The following CACUL1 variants were observed in gnomAD, a reference collection of about 807,000 sequenced individuals.
CACUL1 encodes CDK2-associated and cullin domain-containing protein 1.
CACUL1 carries 13 observed loss-of-function variants against 45.2 expected under a neutral mutation model. That is an observed-to-expected ratio of 0.29 (90% confidence interval 0.19 to 0.46). CACUL1 has a LOEUF of 0.46. Ranked by LOEUF, CACUL1 falls within the 20% of genes least tolerant of loss-of-function variation. The pLI is 1.00. For missense variants in CACUL1, 421 were observed against 471.4 expected (o/e 0.89, Z 0.99); for synonymous variants, 197 against 174.2 (o/e 1.13, Z -1.03).
intron 1 of CACUL1, among the ~76,000 whole-genome samples, chr10:118,753,604 G>A (rs189685457): frequency 9.7e-4 from 148 of 152,330 alleles, no homozygotes; most frequent in African/African-American, 3.4e-3. Context: ...CTGGTCAGAG[G>A]CAGTTTCGGA....
intron 1 of CACUL1, among the ~76,000 whole-genome samples, chr10:118,750,064 C>T (rs1429197541): frequency 1.3e-5 from 2 of 152,198 alleles, no homozygotes; most frequent in South Asian, 2.1e-4. Context: ...TGGTGGCTCA[C>T]GCCTGTAATC....
chr10:118,742,889 T>C (rs1408997227), intron 1 of CACUL1, among the ~76,000 whole-genome samples: 2 of 152,158 alleles, frequency 1.3e-5, no homozygotes, highest in African/African-American at 2.4e-5. Flanking sequence ...TGGGAATACA[T>C]GTGGGAATGG....
chr10:118,730,798 T>C (rs962150558), intron 1 of CACUL1, among the ~76,000 whole-genome samples: 12 of 152,220 alleles, frequency 7.9e-5, no homozygotes, highest in East Asian at 5.8e-4. Context: ...ACAGGAAAAT[T>C]TGGAGAAATC....
intron 1 of CACUL1, among the ~76,000 whole-genome samples, chr10:118,745,323 C>T (rs955070477): frequency 6.6e-6 from 1 of 151,974 alleles, no homozygotes; most frequent in Non-Finnish European, 1.5e-5. Context: ...TTTGGGAGGC[C>T]GAGGTAGGTA....
chr10:118,726,535 A>T (rs1589614062), intron 3 of CACUL1: 1 of 301,412 alleles, frequency 3.3e-6, no homozygotes, highest in Non-Finnish European at 6.6e-6. Flanking sequence ...CTGAGATGCT[A>T]TGGATCCACA....
intron 1 of CACUL1, among the ~76,000 whole-genome samples, chr10:118,746,624 T>C (rs1009713682): frequency 1.3e-5 from 2 of 151,950 alleles, no homozygotes; most frequent in Non-Finnish European, 2.9e-5. Flanking sequence ...CTGAAAAACA[T>C]GTACTCTTCA....
At chr10:118,687,907 G>A (rs75749350) in intron 7 of CACUL1, among the ~76,000 whole-genome samples, 6,085 of 152,232 alleles carry the variant, frequency 0.04, 385 homozygotes, top group African/African-American at 0.14. Flanking sequence ...AACTTGGCCT[G>A]TGTTGTTCAC....
At position 118,685,156 on chromosome 10, in the gene CACUL1, CTG is replaced by C. The variant is rs1264999549; in HGVS notation, c.*970_*971del. On this transcript the variant is annotated 3_prime_UTR_variant, in exon 9 of 9. Transcript: ENST00000369151. ...ACCACTGTGTATTTGGACTTAATAA[CTG>C]TATCTGCTTCCTAGAGCATCGCAGG... is the stretch of plus-strand genomic sequence containing the variant. 1 of 151,894 alleles carries C rather than the reference CTG, an allele frequency of 6.6e-6. No individual in the cohort carries two copies. Among genetic ancestry groups the C allele is most frequent in the Non-Finnish European group, 1.5e-5 (1 of 67,940 alleles). The allele number at this position is 151,894 out of a possible 1,614,324, so 9.4% of individuals were successfully genotyped here.
intron 4 of CACUL1, among the ~76,000 whole-genome samples, chr10:118,702,084 A>G (rs1845386131): frequency 6.6e-6 from 1 of 152,164 alleles, no homozygotes; most frequent in Non-Finnish European, 1.5e-5. Flanking sequence ...TGAGGACATT[A>G]TCTTGTGAAA....
chr10:118,688,081 A>G (rs1845226097), intron 7 of CACUL1, among the ~76,000 whole-genome samples: 1 of 152,242 alleles, frequency 6.6e-6, no homozygotes, highest in South Asian at 2.1e-4. Flanking sequence ...TTCTCTGGTT[A>G]TGTTGAGGAC....
rs566718256 is a variant in CACUL1, at chr10:118,685,773, T to TA, written c.*354dup. 1.6e-3 allele frequency: 287 copies of TA among 174,948 alleles called. No homozygotes were observed. The highest frequency in any genetic ancestry group is 2.4e-3 in the Middle Eastern group (1 of 414). 10.8% of individuals were successfully genotyped at this position (174,948 alleles called of 1,614,324 possible). A position where few individuals can be genotyped will look rare whatever the true frequency, so the allele number is the denominator to read the frequency against. On this transcript the variant is annotated 3_prime_UTR_variant, in exon 9 of 9. Transcript: ENST00000369151. ...TCCACAAATGAACAAAACAAGTGCTTAAAAAAAAAATTCTTCTGCTCTTAT... is the reference window on the plus strand; with the variant it reads ...TCCACAAATGAACAAAACAAGTGCTTAAAAAAAAAAATTCTTCTGCTCTTAT...
intron 3 of CACUL1, among the ~76,000 whole-genome samples, chr10:118,719,161 T>A (rs1306757389): frequency 1.3e-5 from 2 of 152,316 alleles, no homozygotes; most frequent in East Asian, 3.9e-4. Flanking sequence ...ATGGAAACTA[T>A]TTTTAAAAGA....
chr10:118,753,435 C>T (rs761428161), intron 1 of CACUL1, among the ~76,000 whole-genome samples: 24 of 152,182 alleles, frequency 1.6e-4, no homozygotes, highest in Non-Finnish European at 2.9e-4. Flanking sequence ...TTACCAGATG[C>T]CACTCAAAAC....
intron 5 of CACUL1, among the ~76,000 whole-genome samples, chr10:118,696,639 T>G (rs1033128249): frequency 2.6e-5 from 4 of 152,000 alleles, no homozygotes; most frequent in Admixed American, 1.3e-4. Flanking sequence ...CGAGACACTA[T>G]CTAATAAAAA....
chr10:118,743,281 AG>A, intron 1 of CACUL1, among the ~76,000 whole-genome samples: 1 of 152,278 alleles, frequency 6.6e-6, no homozygotes, highest in African/African-American at 2.4e-5. Flanking sequence ...AACTAGTGGC[AG>A]GGGGGTTCTG....
At chr10:118,705,508 A>T (rs575689757) in intron 4 of CACUL1, among the ~76,000 whole-genome samples, 10 of 152,330 alleles carry the variant, frequency 6.6e-5, no homozygotes, top group South Asian at 2.1e-4. Context: ...AAGAAATAGT[A>T]TGAAAACTTC....
At chr10:118,732,859 G>T (rs762402349) in intron 1 of CACUL1, among the ~76,000 whole-genome samples, 10 of 152,098 alleles carry the variant, frequency 6.6e-5, no homozygotes, top group Admixed American at 2.0e-4. Context: ...AGGATTCAAA[G>T]AAAACTGAAA....
At chr10:118,736,940 A>C (rs1845745956) in intron 1 of CACUL1, among the ~76,000 whole-genome samples, 1 of 152,198 alleles carries the variant, frequency 6.6e-6, no homozygotes, top group Non-Finnish European at 1.5e-5. Flanking sequence ...GTAGCCTAAA[A>C]GCAATAGGCT....
intron 6 of CACUL1, 117 bp downstream of exon 6, chr10:118,695,024 T>C: frequency 3.0e-6 from 2 of 665,068 alleles, no homozygotes; most frequent in Non-Finnish European, 5.5e-6. Context: ...ACTCAATTTT[T>C]TTGCTCCAGC....
Sources: allele counts gnomAD v4.1 joint callset (sites outside exome capture counted in the v4.1 genomes callset), GRCh38; gene constraint gnomAD v4.1.1; transcripts MANE v1.5; gene names NCBI Gene and HGNC (gene_info 2026-07-23, HGNC 2026-07-21).